The following SULF1 variants were observed in gnomAD, a reference collection of about 807,000 sequenced individuals.
SULF1 encodes sulfatase 1, also known as extracellular sulfatase Sulf-1.
Under a neutral mutation model 110.5 loss-of-function variants are expected in SULF1, and 46 were observed. The ratio of observed to expected loss-of-function variants is 0.42; its 90% CI spans 0.33 to 0.53. SULF1 has a LOEUF of 0.53. Among genes scored for constraint, SULF1 ranks in the 20% least tolerant of loss-of-function variants. The probability of loss-of-function intolerance (pLI) is 0.12; values close to 1 mark genes in which losing one functional copy is unlikely to be tolerated. For missense variants in SULF1, 941 were observed against 1,094.2 expected, an observed-to-expected ratio of 0.86 and a Z score of 1.98; for synonymous variants, 371 against 387.1, an observed-to-expected ratio of 0.96 and a Z score of 0.49.
At chr8:69,525,526 T>C (rs571649499) in intron 3 of SULF1, among the ~76,000 whole-genome samples, 62 of 152,276 alleles carry the variant, frequency 4.1e-4, no homozygotes, top group African/African-American at 1.4e-3. Context: ...GGAGAAAGAA[T>C]ATTCAAAAGG....
At chr8:69,534,691 T>C (rs879654769) in intron 3 of SULF1, among the ~76,000 whole-genome samples, 1 of 152,174 alleles carries the variant, frequency 6.6e-6, no homozygotes, top group African/African-American at 2.4e-5. Flanking sequence ...ATTCCACCAC[T>C]TTTTTTGAGA....
At chr8:69,480,194 T>C (rs1809460680) in intron 1 of SULF1, among the ~76,000 whole-genome samples, 2 of 152,304 alleles carry the variant, frequency 1.3e-5, no homozygotes, top group South Asian at 4.1e-4. Context: ...ATATTAACCA[T>C]TACGACTTCA....
chr8:69,642,498 C>G lies in SULF1; in HGVS notation c.2585+1657C>G, dbSNP rs367557735. 11 of 692,520 alleles carry G rather than the reference C, an allele frequency of 1.6e-5. No individual in the cohort carries two copies. The East Asian group carries it at 1.1e-3, about 68-fold the overall frequency. The allele number at this position is 692,520 out of a possible 1,614,324, so 42.9% of individuals were successfully genotyped here. A position where few individuals can be genotyped will look rare whatever the true frequency, so the allele number is the denominator to read the frequency against. On this transcript the variant is annotated intron_variant, in intron 22 of 22. Transcript: ENST00000402687. ...TGTGTCACTCCCAGCACACATAAGA[C>G]AGAGCAGAAGACCCCATCCTTGAGC...
chr8:69,511,370 A>G (rs991278248), intron 3 of SULF1, among the ~76,000 whole-genome samples: 1 of 152,122 alleles, frequency 6.6e-6, no homozygotes, highest in Non-Finnish European at 1.5e-5. Flanking sequence ...TAATCACGAA[A>G]ATCCGATAAA....
At chr8:69,527,482 A>G (rs1250517405) in intron 3 of SULF1, among the ~76,000 whole-genome samples, 6 of 152,022 alleles carry the variant, frequency 3.9e-5, no homozygotes, top group Non-Finnish European at 7.4e-5. Context: ...AGGACGAAAG[A>G]CTTCATTCCA....
chr8:69,569,182 C>T (rs1033875465), intron 5 of SULF1, among the ~76,000 whole-genome samples: 6 of 152,036 alleles, frequency 3.9e-5, no homozygotes, highest in Non-Finnish European at 8.8e-5. Context: ...AACATTGACC[C>T]GATGTTTCTC....
intron 3 of SULF1, among the ~76,000 whole-genome samples, chr8:69,515,995 G>A (rs1434174483): frequency 6.6e-6 from 1 of 152,130 alleles, no homozygotes; most frequent in Non-Finnish European, 1.5e-5. Context: ...CAACCATTCA[G>A]CAAGTCTCCA....
At chr8:69,504,125 T>C (rs553815823) in intron 3 of SULF1, among the ~76,000 whole-genome samples, 2 of 152,258 alleles carry the variant, frequency 1.3e-5, no homozygotes, top group East Asian at 3.9e-4. Flanking sequence ...AATGCCATGT[T>C]GTTTGTTATC....
In SULF1 at chr8:69,506,349, C is replaced by T. The variant is rs76678606; in HGVS notation, c.-134+4381C>T. Among the ~76,000 whole-genome samples, 81 of 152,134 alleles carry T rather than the reference C, an allele frequency of 5.3e-4. No homozygotes were observed. The East Asian group carries it at 0.014, about 26-fold the overall frequency. On this transcript the variant is annotated intron_variant, in intron 3 of 22. Coordinates refer to ENST00000402687, the MANE Select transcript of SULF1 (RefSeq NM_001128205.2). ...TCTTCTCCTGCACCATCCTCTTATC[C>T]CTTTGAGACTAATCACTTTCACATG... is the stretch of plus-strand genomic sequence containing the variant.
exon 1 of SULF1, chr8:69,466,910 T>C (rs1808879901): frequency 6.6e-6 from 1 of 152,218 alleles, no homozygotes; most frequent in African/African-American, 2.4e-5. Context: ...AAAGGAGGAA[T>C]TCATTTTCAG....
chr8:69,567,191 G>A (rs900791796), intron 5 of SULF1, among the ~76,000 whole-genome samples: 1 of 152,124 alleles, frequency 6.6e-6, no homozygotes, highest in African/African-American at 2.4e-5. Flanking sequence ...ACAGTGAACT[G>A]TGGGTTGGAG....
chr8:69,538,052 C>G (rs563881023), intron 3 of SULF1, among the ~76,000 whole-genome samples: 2 of 152,036 alleles, frequency 1.3e-5, no homozygotes, highest in South Asian at 2.1e-4. Flanking sequence ...GCTCCGCCCC[C>G]CGGGGTTCAC....
At position 69,579,500 on chromosome 8, in the gene SULF1, G is replaced by A. The variant is rs904651517; in HGVS notation, c.412+3291G>A. Among the ~76,000 whole-genome samples the A allele has an allele frequency of 2.1e-5, 3 of 146,298 alleles. No homozygotes were observed. In the South Asian group the frequency reaches 6.4e-4, roughly 31 times the overall value. On this transcript the variant is annotated intron_variant, in intron 6 of 22. Coordinates refer to ENST00000402687, the MANE Select transcript of SULF1 (RefSeq NM_001128205.2). The stretch of plus-strand genomic sequence containing the variant: ...GGAGGCAGAGGTTGCAGTGAGCCAA[G>A]ATCGCACCATTGCACTCCAGCCTGG...
chr8:69,476,139 C>T (rs1250386805), intron 1 of SULF1, among the ~76,000 whole-genome samples: 1 of 152,108 alleles, frequency 6.6e-6, no homozygotes, highest in Non-Finnish European at 1.5e-5. Context: ...TCATATTCTA[C>T]CTTGGAGGAG....
intron 5 of SULF1, among the ~76,000 whole-genome samples, chr8:69,569,878 C>CT (rs71556771): frequency 0.015 from 2,177 of 148,186 alleles, 20 homozygotes; most frequent in Non-Finnish European, 0.022. Flanking sequence ...TAAAAAACAT[C>CT]TTTTTTTTTT....
At chr8:69,512,210 G>C (rs1403246038) in intron 3 of SULF1, among the ~76,000 whole-genome samples, 1 of 152,074 alleles carries the variant, frequency 6.6e-6, no homozygotes, top group South Asian at 2.1e-4. Context: ...CTCTTTCTTT[G>C]TCATTAAGTA....
intron 1 of SULF1, 123 bp downstream of exon 1, chr8:69,493,248 A>C (rs1400784146): frequency 6.6e-6 from 1 of 152,614 alleles, no homozygotes; most frequent in African/African-American, 2.4e-5. Flanking sequence ...TTCTCAGATG[A>C]TGGAAAGTAT....
chr8:69,492,182 A>G (rs1329512145), upstream of SULF1, among the ~76,000 whole-genome samples: 1 of 151,966 alleles, frequency 6.6e-6, no homozygotes, highest in African/African-American at 2.4e-5. Context: ...TAATAATTTA[A>G]AGAAAATATG....
At chr8:69,521,938 T>A (rs1812332858) in intron 3 of SULF1, among the ~76,000 whole-genome samples, 1 of 151,648 alleles carries the variant, frequency 6.6e-6, no homozygotes, top group African/African-American at 2.4e-5. Flanking sequence ...AGTCAGATGC[T>A]AGCTATTTTT....
Sources: allele counts gnomAD v4.1 joint callset (sites outside exome capture counted in the v4.1 genomes callset), GRCh38; gene constraint gnomAD v4.1.1; transcripts MANE v1.5; gene names NCBI Gene and HGNC (gene_info 2026-07-23, HGNC 2026-07-21).